Variants in SORBS2 observed in about 807,000 individuals in gnomAD.
SORBS2 encodes the protein sorbin and SH3 domain-containing protein 2.
A neutral mutation model predicts 97.7 loss-of-function variants in SORBS2; 46 were observed. That is an observed-to-expected ratio of 0.47 (90% confidence interval 0.37 to 0.60). The LOEUF is 0.60. Among genes scored for constraint, SORBS2 ranks in the 20% least tolerant of loss-of-function variants. SORBS2 has a pLI of 0.00. For synonymous variants in SORBS2, 476 were observed against 473.4 expected, an observed-to-expected ratio of 1.01 and a Z score of -0.07; for missense variants, 1,316 against 1,282.3, an observed-to-expected ratio of 1.03 and a Z score of -0.40.
chr4:185,627,047 T>A (rs371808533), intron 5 of SORBS2, 28 bp from the exon 18 acceptor site: 4 of 1,610,480 alleles, frequency 2.5e-6, no homozygotes, highest in Non-Finnish European at 3.4e-6. Flanking sequence ...ATCTGTTTGA[T>A]TGGCACTGGA....
chr4:185,938,389 T>C (rs11931221), intron 1 of SORBS2, among the ~76,000 whole-genome samples: 117 of 136,498 alleles, frequency 8.6e-4, no homozygotes, highest in Middle Eastern at 3.7e-3. Flanking sequence ...TGTAGACACA[T>C]ACACACACAC....
chr4:185,888,328 G>A (rs7695825), intron 1 of SORBS2, among the ~76,000 whole-genome samples: 18,526 of 152,046 alleles, frequency 0.12, 1,174 homozygotes, highest in Middle Eastern at 0.2. Context: ...AGGGGTGGTG[G>A]GGGGTTGGAG....
At chr4:185,827,267 C>T (rs1451367010) in intron 1 of SORBS2, among the ~76,000 whole-genome samples, 6 of 27,492 alleles carry the variant, frequency 2.2e-4, no homozygotes, top group Admixed American at 3.7e-4. Context: ...ACCATCATCA[C>T]CATCATCACC....
At chr4:185,936,192 T>G (rs1937964896) in intron 1 of SORBS2, among the ~76,000 whole-genome samples, 1 of 152,236 alleles carries the variant, frequency 6.6e-6, no homozygotes, top group Non-Finnish European at 1.5e-5. Context: ...ACACGTGCTA[T>G]TCAAACTTAG....
At chr4:185,923,963 C>A (rs1000318418) in intron 1 of SORBS2, among the ~76,000 whole-genome samples, 6 of 152,140 alleles carry the variant, frequency 3.9e-5, no homozygotes, top group African/African-American at 1.4e-4. Flanking sequence ...CATTCCTTTG[C>A]GATGTGTATT....
chr4:185,846,336 CT>C (rs1354483825), intron 1 of SORBS2, among the ~76,000 whole-genome samples: 5 of 152,142 alleles, frequency 3.3e-5, no homozygotes, highest in African/African-American at 1.2e-4. Flanking sequence ...ATAATACATT[CT>C]GGAAAAATAA....
chr4:185,870,771 G>A (rs1215845433), intron 1 of SORBS2, among the ~76,000 whole-genome samples: 1 of 152,228 alleles, frequency 6.6e-6, no homozygotes, highest in African/African-American at 2.4e-5. Flanking sequence ...GGAGCCCACT[G>A]CTGTGCTTTT....
At chr4:185,797,138 C>T (rs748580009) in intron 1 of SORBS2, among the ~76,000 whole-genome samples, 7 of 152,226 alleles carry the variant, frequency 4.6e-5, no homozygotes, top group African/African-American at 1.4e-4. Context: ...CCTCTAGCAA[C>T]GCAGGACCAC....
intron 2 of SORBS2, among the ~76,000 whole-genome samples, chr4:185,764,971 G>C (rs766673088): frequency 1.6e-4 from 24 of 151,974 alleles, no homozygotes; most frequent in Non-Finnish European, 3.2e-4. Flanking sequence ...CTCTTTTTAA[G>C]GTTAAAGTAA....
Position 185,758,429 on chromosome 4 carries a change from A to T in SORBS2, c.-198+16798T>A, listed in dbSNP as rs183056833. On this transcript the variant is annotated intron_variant, in intron 2 of 20. Coordinates refer to the SORBS2 transcript ENST00000284776. ...TGGGCATGCCTTCTCAGTTTCATTG[A>T]TAGGGTTCTCCTCCTCCTCCTGGCC... 3.4e-4 allele frequency among the ~76,000 whole-genome samples: 51 copies of T among 152,180 alleles called. 1 individual carries two copies. The highest frequency in any genetic ancestry group is 1.2e-3 in the African/African-American group (48 of 41,520).
intron 2 of SORBS2, among the ~76,000 whole-genome samples, chr4:185,750,170 G>A (rs1270367309): frequency 6.6e-6 from 1 of 152,218 alleles, no homozygotes; most frequent in Non-Finnish European, 1.5e-5. Context: ...GTAACTCACA[G>A]CAAGTTCTTA....
intron 2 of SORBS2, among the ~76,000 whole-genome samples, chr4:185,767,569 A>G (rs2098943965): frequency 6.6e-6 from 1 of 151,834 alleles, no homozygotes; most frequent in African/African-American, 2.4e-5. Flanking sequence ...TAAAAACACA[A>G]CCTTTCATCT....
chr4:185,676,581 C>T (rs937452213), intron 4 of SORBS2, among the ~76,000 whole-genome samples: 1 of 152,254 alleles, frequency 6.6e-6, no homozygotes, highest in Non-Finnish European at 1.5e-5. Flanking sequence ...TTATAATTGA[C>T]AATTATCTGA....
chr4:185,615,203 A>G (rs1430590841), intron 9 of SORBS2, 44 bp from the exon 22 acceptor site: 3 of 1,152,648 alleles, frequency 2.6e-6, no homozygotes, highest in Admixed American at 1.7e-5. Flanking sequence ...ATGTACAGCA[A>G]TAATTCTCAA....
At chr4:185,627,157 T>A in intron 5 of SORBS2, 138 bp from the exon 18 acceptor site, 4 of 654,906 alleles carry the variant, frequency 6.1e-6, no homozygotes, top group Non-Finnish European at 1.1e-5. Flanking sequence ...TAGGAACTCA[T>A]CCCTTGATGT....
chr4:185,630,056 G>A (rs2096882502), intron 5 of SORBS2, among the ~76,000 whole-genome samples: 1 of 151,826 alleles, frequency 6.6e-6, no homozygotes, highest in Non-Finnish European at 1.5e-5. Flanking sequence ...GATAAAGTGG[G>A]GACAATAGTA....
chr4:185,702,535 T>C (rs1019925190), intron 2 of SORBS2, among the ~76,000 whole-genome samples: 3 of 152,156 alleles, frequency 2.0e-5, no homozygotes, highest in Non-Finnish European at 4.4e-5. Flanking sequence ...AATTTCAACA[T>C]GAGATTTGGA....
chr4:185,769,872 G>A (rs2098959482), intron 2 of SORBS2, among the ~76,000 whole-genome samples: 1 of 152,194 alleles, frequency 6.6e-6, no homozygotes, highest in African/African-American at 2.4e-5. Context: ...GGGCAGCACA[G>A]GAAAAAGACC....
chr4:185,910,481 C>T (rs1268332040), intron 1 of SORBS2, among the ~76,000 whole-genome samples: 1 of 152,184 alleles, frequency 6.6e-6, no homozygotes, highest in Non-Finnish European at 1.5e-5. Context: ...TCTCTTGCCT[C>T]ATATTCAGAA....
Sources: allele counts gnomAD v4.1 joint callset (sites outside exome capture counted in the v4.1 genomes callset), GRCh38; gene constraint gnomAD v4.1.1; transcripts MANE v1.5; gene names NCBI Gene and HGNC (gene_info 2026-07-23, HGNC 2026-07-21).